SLC25A33: variants seen among roughly 807,000 people sequenced by gnomAD.
SLC25A33 encodes the protein solute carrier family 25 member 33.
In SLC25A33, 15 loss-of-function variants were observed where a neutral mutation model predicts 35.5. The observed-to-expected ratio is 0.42, with a 90% confidence interval of 0.28 to 0.65. The LOEUF (loss-of-function observed/expected upper bound fraction) is 0.65. Among genes scored for constraint, SLC25A33 ranks in the 30% least tolerant of loss-of-function variants. The pLI is 0.20. For synonymous variants in SLC25A33, 136 were observed against 148.7 expected, an observed-to-expected ratio of 0.91 and a Z score of 0.62; for missense variants, 257 against 398.5, an observed-to-expected ratio of 0.64 and a Z score of 3.02.
chr1:9,551,978 G>A (rs1643272545), intron 1 of SLC25A33, among the ~76,000 whole-genome samples: 1 of 152,094 alleles, frequency 6.6e-6, no homozygotes, highest in African/African-American at 2.4e-5. Flanking sequence ...TTATTTCATT[G>A]GTAGAATTGT....
intron 1 of SLC25A33, among the ~76,000 whole-genome samples, chr1:9,542,476 A>G (rs1643100412): frequency 2.0e-5 from 3 of 152,246 alleles, no homozygotes; most frequent in Admixed American, 2.0e-4. Flanking sequence ...ATCCACTCTC[A>G]CTAGCCTAAA....
chr1:9,551,054 A>G (rs886582999), intron 1 of SLC25A33, among the ~76,000 whole-genome samples: 13 of 152,092 alleles, frequency 8.5e-5, no homozygotes, highest in African/African-American at 3.1e-4. Context: ...AGCAAATTAC[A>G]CAAACCAGTA....
At chr1:9,565,616 C>T (rs1186352903) in intron 2 of SLC25A33, among the ~76,000 whole-genome samples, 2 of 151,846 alleles carry the variant, frequency 1.3e-5, no homozygotes, top group Non-Finnish European at 2.9e-5. Flanking sequence ...CATTGGCTCA[C>T]GCCTATAATC....
intron 6 of SLC25A33, among the ~76,000 whole-genome samples, chr1:9,581,763 CGTGTAT>C (rs1225856650): frequency 6.6e-6 from 1 of 151,048 alleles, no homozygotes; most frequent in Non-Finnish European, 1.5e-5. Flanking sequence ...TTTGTACTTT[CGTGTAT>C]GTGTAAGTGT....
In SLC25A33 at chr1:9,582,645, T is replaced by C. The variant is rs1569885397; in HGVS notation, c.*144T>C. Reference sequence around the variant, plus strand: ...CATATCACCTGTTGGACATTTCCTTTTGGATTCATGCTTTCTGGAAGGTTT... The same window carrying C: ...CATATCACCTGTTGGACATTTCCTTCTGGATTCATGCTTTCTGGAAGGTTT... On this transcript the variant is annotated 3_prime_UTR_variant, in exon 7 of 7. Transcript: ENST00000302692. This position sits in a 1 kb window ranked among gnomAD's most constrained non-coding sequence, Gnocchi z 4.0. 1.3e-6 allele frequency: 1 copy of C among 758,542 alleles called. No homozygotes were observed. The highest frequency in any genetic ancestry group is 2.7e-5 in the East Asian group (1 of 36,754). 47.0% of individuals were successfully genotyped at this position (758,542 alleles called of 1,614,324 possible). A position where few individuals can be genotyped will look rare whatever the true frequency, so the allele number is the denominator to read the frequency against.
intron 2 of SLC25A33, among the ~76,000 whole-genome samples, chr1:9,559,343 G>A (rs1233013138): frequency 6.6e-6 from 1 of 152,080 alleles, no homozygotes; most frequent in African/African-American, 2.4e-5. Flanking sequence ...AATGTTGCCT[G>A]TCACATAGCA....
chr1:9,564,737 AAAATATATATATATATAT>A (rs1370683638), intron 2 of SLC25A33, among the ~76,000 whole-genome samples: 6 of 72,760 alleles, frequency 8.2e-5, no homozygotes, highest in Non-Finnish European at 1.2e-4. Context: ...AAAAAAAAAA[AAAATATATATATATATAT>A]ATATATATAT....
At chr1:9,563,544 C>T (rs2100393908) in intron 2 of SLC25A33, among the ~76,000 whole-genome samples, 1 of 152,172 alleles carries the variant, frequency 6.6e-6, no homozygotes, top group African/African-American at 2.4e-5. Context: ...CACCAAAAAC[C>T]AGCTTAATTT....
chr1:9,575,504 A>G (rs1393151231), intron 5 of SLC25A33, among the ~76,000 whole-genome samples: 2 of 151,936 alleles, frequency 1.3e-5, no homozygotes, highest in Non-Finnish European at 2.9e-5. Flanking sequence ...AATCCTAGCT[A>G]CTTAGTAGAG....
intron 2 of SLC25A33, among the ~76,000 whole-genome samples, chr1:9,562,008 AT>A (rs1331700204): frequency 6.7e-6 from 1 of 149,394 alleles, no homozygotes. Flanking sequence ...AGCCGAGATC[AT>A]GCCACTGCAC....
chr1:9,573,284 G>T, intron 4 of SLC25A33, 62 bp from the exon 5 acceptor site: 1 of 1,175,760 alleles, frequency 8.5e-7, no homozygotes, highest in East Asian at 2.4e-5. Flanking sequence ...TATGATAATA[G>T]ACATCTTTAA....
chr1:9,577,034 A>C, intron 5 of SLC25A33: 1 of 815,918 alleles, frequency 1.2e-6, no homozygotes, highest in South Asian at 1.5e-5. Flanking sequence ...ATGATTCCTA[A>C]GACCTATTGG....
chr1:9,550,305 G>A (rs1478498592), intron 1 of SLC25A33, among the ~76,000 whole-genome samples: 1 of 151,232 alleles, frequency 6.6e-6, no homozygotes, highest in African/African-American at 2.4e-5. Flanking sequence ...TAGGGCATTT[G>A]CTTTTTTGGA....
chr1:9,567,605 T>A (rs571729047), intron 3 of SLC25A33, among the ~76,000 whole-genome samples: 1 of 152,354 alleles, frequency 6.6e-6, no homozygotes, highest in East Asian at 1.9e-4. Flanking sequence ...ATCATTACTG[T>A]AATGTACTTT....
At chr1:9,551,308 G>A (rs1017091457) in intron 1 of SLC25A33, among the ~76,000 whole-genome samples, 9 of 152,142 alleles carry the variant, frequency 5.9e-5, no homozygotes, top group African/African-American at 2.2e-4. Context: ...AGGAGGCAGA[G>A]GTTGCAGTGA....
At chr1:9,568,128 A>G (rs1443266692) in intron 3 of SLC25A33, among the ~76,000 whole-genome samples, 1 of 152,200 alleles carries the variant, frequency 6.6e-6, no homozygotes, top group African/African-American at 2.4e-5. Context: ...AGAGAATAGC[A>G]TATCTGGAAA....
intron 2 of SLC25A33, among the ~76,000 whole-genome samples, chr1:9,561,706 G>A (rs902111664): frequency 2.6e-5 from 4 of 151,928 alleles, no homozygotes; most frequent in African/African-American, 7.3e-5. Context: ...ATGGATGAGC[G>A]GCTTCAAGCT....
intron 2 of SLC25A33, among the ~76,000 whole-genome samples, chr1:9,560,489 C>T (rs759665028): frequency 2.8e-5 from 4 of 143,540 alleles, no homozygotes; most frequent in South Asian, 4.5e-4. Flanking sequence ...GCATGAACCC[C>T]GGAGGCGGAG....
chr1:9,570,312 C>T lies in SLC25A33; in HGVS notation c.369C>T (p.Phe123=), dbSNP rs765213591. The T allele has an allele frequency of 9.3e-6, 15 of 1,614,068 alleles. No homozygotes were observed. The highest frequency in any genetic ancestry group is 4.4e-5 in the South Asian group (4 of 91,064). Residue 123 remains phenylalanine, a synonymous_variant, in exon 4 of 7, where the codon TTC becomes TTT. Coordinates refer to ENST00000302692, the MANE Select transcript of SLC25A33 (RefSeq NM_032315.3). ...SKAKEQFNGI[F]VPNSNIVHIF... Reference sequence around the variant, plus strand: ...CCAAAGAGCAATTTAATGGCATTTTCGTGCCTAACAGCAATATTGTGCATA... The same window carrying T: ...CCAAAGAGCAATTTAATGGCATTTTTGTGCCTAACAGCAATATTGTGCATA...
Sources: allele counts gnomAD v4.1 joint callset (sites outside exome capture counted in the v4.1 genomes callset), GRCh38; gene constraint gnomAD v4.1.1; non-coding constraint Gnocchi (gnomAD v3.1); transcripts MANE v1.5; gene names NCBI Gene and HGNC (gene_info 2026-07-23, HGNC 2026-07-21).